The following RPS6KB1 variants were observed in gnomAD, a reference collection of about 807,000 sequenced individuals.
RPS6KB1 encodes the protein ribosomal protein S6 kinase beta-1.
RPS6KB1 carries 12 observed loss-of-function variants against 70.2 expected under a neutral mutation model. That is an observed-to-expected ratio of 0.17 (90% confidence interval 0.11 to 0.28). The LOEUF is 0.28. Among genes scored for constraint, RPS6KB1 ranks in the 10% least tolerant of loss-of-function variants. The pLI is 1.00. For missense variants in RPS6KB1, 270 were observed against 646.6 expected, an observed-to-expected ratio of 0.42 and a Z score of 6.32; for synonymous variants, 175 against 211.2, an observed-to-expected ratio of 0.83 and a Z score of 1.49.
intron 1 of RPS6KB1, among the ~76,000 whole-genome samples, chr17:59,897,979 A>G (rs1568369938): frequency 6.6e-6 from 1 of 151,918 alleles, no homozygotes; most frequent in African/African-American, 2.4e-5. Flanking sequence ...AAAAAAAAAA[A>G]AGATTCTGTT....
chr17:59,947,695 A>G lies in RPS6KB1; in HGVS notation c.*907A>G. ...CATTGCACTGGAAAAAAAAATCGCC[A>G]CCTGTTCTTACACCAGTATTTGGTT... On this transcript the variant is annotated 3_prime_UTR_variant, in exon 15 of 15. Coordinates refer to ENST00000225577, the MANE Select transcript of RPS6KB1 (RefSeq NM_003161.4). 5.5e-6 allele frequency: 4 copies of G among 733,292 alleles called. No individual in the cohort carries two copies. Among genetic ancestry groups the G allele is most frequent in the Non-Finnish European group, 9.8e-6 (4 of 410,184 alleles). 45.4% of individuals were successfully genotyped at this position (733,292 alleles called of 1,614,324 possible).
chr17:59,903,236 C>G (rs1336201245), intron 1 of RPS6KB1, among the ~76,000 whole-genome samples: 2 of 150,820 alleles, frequency 1.3e-5, no homozygotes, highest in African/African-American at 2.4e-5. Context: ...ACCTGGGAGG[C>G]AGAGGTTGCA....
intron 1 of RPS6KB1, among the ~76,000 whole-genome samples, chr17:59,901,052 T>G (rs936821913): frequency 6.6e-6 from 1 of 151,686 alleles, no homozygotes; most frequent in East Asian, 2.0e-4. Context: ...TCCCAGCTAC[T>G]TGGGAGACTG....
In RPS6KB1 at chr17:59,947,499, TG is replaced by T; in HGVS notation, c.*715del. ...CTCGTTTGAGGGATTGGGGTGGACC[TG>T]GGGTTTATTTTCAGTAACCCAGCTG... On this transcript the variant is annotated 3_prime_UTR_variant, in exon 15 of 15. Coordinates refer to ENST00000225577, the MANE Select transcript of RPS6KB1 (RefSeq NM_003161.4). 1 of 1,509,590 alleles carries T rather than the reference TG, an allele frequency of 6.6e-7. No homozygotes were observed. The highest frequency in any genetic ancestry group is 8.9e-7 in the Non-Finnish European group (1 of 1,123,736). The allele number at this position is 1,509,590 out of a possible 1,614,324, so 93.5% of individuals were successfully genotyped here.
In RPS6KB1 at chr17:59,934,117, A is replaced by G; in HGVS notation, c.689-53A>G. 8.8e-7 allele frequency: 1 copy of G among 1,135,998 alleles called. No homozygotes were observed. The allele number at this position is 1,135,998 out of a possible 1,614,324, so 70.4% of individuals were successfully genotyped here. ...AAAGTATTATGTGACATGTTCAAAC[A>G]CTGCACATACTTATAATTCGGAGAA... On this transcript the variant is annotated intron_variant, in intron 7 of 14. Transcript: ENST00000225577. This position sits in a 1 kb window ranked among gnomAD's most constrained non-coding sequence, Gnocchi z 4.8.
chr17:59,910,186 CAAAA>C (rs1304202334), intron 1 of RPS6KB1, among the ~76,000 whole-genome samples: 1 of 120,448 alleles, frequency 8.3e-6, no homozygotes, highest in Non-Finnish European at 1.7e-5. Flanking sequence ...GACTCCATCT[CAAAA>C]AAGAAAAAAA....
Position 59,934,011 on chromosome 17 carries a change from A to G in RPS6KB1, c.689-159A>G. On this transcript the variant is annotated intron_variant, in intron 7 of 14. Transcript: ENST00000225577. This position sits in a 1 kb window ranked among gnomAD's most constrained non-coding sequence, Gnocchi z 4.8. Reference sequence around the variant, plus strand: ...TTTGCCCTAGCCTTAAACAGTTAGCATCCCATTTTATGGATGGTACCTTGT... The same window carrying G: ...TTTGCCCTAGCCTTAAACAGTTAGCGTCCCATTTTATGGATGGTACCTTGT... The G allele has an allele frequency of 1.6e-6, 1 of 617,672 alleles. No individual in the cohort carries two copies. The allele number at this position is 617,672 out of a possible 1,614,324, so 38.3% of individuals were successfully genotyped here. A position where few individuals can be genotyped will look rare whatever the true frequency, so the allele number is the denominator to read the frequency against.
chr17:59,898,547 G>A (rs1360241560), intron 1 of RPS6KB1, among the ~76,000 whole-genome samples: 1 of 151,816 alleles, frequency 6.6e-6, no homozygotes, highest in Non-Finnish European at 1.5e-5. Flanking sequence ...TCTGCCTCCT[G>A]GGTTCAAGCT....
chr17:59,908,639 G>A (rs1425544076), intron 1 of RPS6KB1, among the ~76,000 whole-genome samples: 4 of 94,638 alleles, frequency 4.2e-5, no homozygotes, highest in African/African-American at 1.9e-4. Flanking sequence ...TTTTTTTTGA[G>A]ACGGAGTCTC....
intron 4 of RPS6KB1, among the ~76,000 whole-genome samples, chr17:59,915,678 C>T (rs1456544511): frequency 6.8e-6 from 1 of 147,144 alleles, no homozygotes; most frequent in Non-Finnish European, 1.5e-5. Flanking sequence ...ATTGGCCAGG[C>T]TGGTCTCGAA....
In RPS6KB1 at chr17:59,948,513, T is replaced by A. The variant is rs1393951854; in HGVS notation, c.*1725T>A. The A allele has an allele frequency of 6.6e-6, 1 of 152,662 alleles. No individual in the cohort carries two copies. Among genetic ancestry groups the A allele is most frequent in the African/African-American group, 2.4e-5 (1 of 41,458 alleles). 9.5% of individuals were successfully genotyped at this position (152,662 alleles called of 1,614,324 possible). A position where few individuals can be genotyped will look rare whatever the true frequency, so the allele number is the denominator to read the frequency against. On this transcript the variant is annotated 3_prime_UTR_variant, in exon 15 of 15. Transcript: ENST00000225577. ...GTCAGAAAAGAGCAAGGCTTTGCTT[T>A]TTGAAATTGCAACTCAAATGAGATG...
intron 1 of RPS6KB1, among the ~76,000 whole-genome samples, chr17:59,900,207 C>CACACACACACACACAG (rs1568377114): frequency 2.0e-5 from 3 of 150,580 alleles, no homozygotes; most frequent in African/African-American, 7.3e-5. Flanking sequence ...CACACACACA[C>CACACACACACACACAG]ACACACACAC....
In RPS6KB1 at chr17:59,934,085, ATAGAT is replaced by A. The variant is rs781615931; in HGVS notation, c.689-82_689-78del. 80 of 896,986 alleles carry A rather than the reference ATAGAT, an allele frequency of 8.9e-5. No individual in the cohort carries two copies. Among genetic ancestry groups the A allele is most frequent in the Middle Eastern group, 4.5e-4 (2 of 4,494 alleles). The allele number at this position is 896,986 out of a possible 1,614,324, so 55.6% of individuals were successfully genotyped here. ...GAGGCAAGAAAAGTTAAATGGAAGG[ATAGAT>A]TAAAGTATTATGTGACATGTTCAAA... On this transcript the variant is annotated intron_variant, in intron 7 of 14. Coordinates refer to ENST00000225577, the MANE Select transcript of RPS6KB1 (RefSeq NM_003161.4). This position sits in a 1 kb window ranked among gnomAD's most constrained non-coding sequence, Gnocchi z 4.8.
chr17:59,919,750 G>A (rs1412259341), intron 4 of RPS6KB1, among the ~76,000 whole-genome samples: 1 of 151,714 alleles, frequency 6.6e-6, no homozygotes, highest in Non-Finnish European at 1.5e-5. Context: ...TGGTCTGTCT[G>A]TTCCTTACAC....
At chr17:59,935,074 A>G in intron 9 of RPS6KB1, 119 bp from the exon 10 acceptor site, 1 of 618,892 alleles carries the variant, frequency 1.6e-6, no homozygotes. Flanking sequence ...CACAGCATAC[A>G]TTTCTGATCT....
intron 14 of RPS6KB1, among the ~76,000 whole-genome samples, chr17:59,945,731 A>G (rs2044885819): frequency 6.6e-6 from 1 of 152,218 alleles, no homozygotes; most frequent in South Asian, 2.1e-4. Flanking sequence ...GTAAGCAGCC[A>G]TACTGGCAAA....
Position 59,893,885 on chromosome 17 carries a change from G to C in RPS6KB1, c.141+560G>C. The C allele has an allele frequency of 1.0e-6, 1 of 985,158 alleles. No individual in the cohort carries two copies. Among genetic ancestry groups the C allele is most frequent in the Non-Finnish European group, 1.2e-6 (1 of 829,958 alleles). The allele number at this position is 985,158 out of a possible 1,614,324, so 61.0% of individuals were successfully genotyped here. ...TTACAGCCACCAGGAGTTTTATTTC[G>C]GGAGCAAGGGGGCTCTGCTGCATCT... On this transcript the variant is annotated intron_variant, in intron 1 of 14. Transcript: ENST00000225577. The surrounding 1 kb of genome is among the most constrained non-coding windows in gnomAD (Gnocchi z 4.1).
rs1420259854 is a variant in RPS6KB1 at position 59,893,352 on chromosome 17, G to T, written c.141+27G>T. The T allele has an allele frequency of 6.3e-7, 1 of 1,580,184 alleles. No homozygotes were observed. The highest frequency in any genetic ancestry group is 2.3e-5 in the East Asian group (1 of 43,104). On this transcript the variant is annotated intron_variant, in intron 1 of 14. Coordinates refer to ENST00000225577, the MANE Select transcript of RPS6KB1 (RefSeq NM_003161.4). This position sits in a 1 kb window ranked among gnomAD's most constrained non-coding sequence, Gnocchi z 4.1. ...TGAGGCCCGGGGTCCCCGGGGGCCC[G>T]AGGTGACAGGGCCGGGGCGGCGGCG... is the stretch of plus-strand genomic sequence containing the variant.
Position 59,927,670 on chromosome 17 carries a change from C to G in RPS6KB1, c.529+1088C>G, listed in dbSNP as rs1371044035. 4.6e-5 allele frequency among the ~76,000 whole-genome samples: 7 copies of G among 151,076 alleles called. 1 individual carries two copies. The highest frequency in any genetic ancestry group is 4.6e-4 in the Admixed American group (7 of 15,120). Reference sequence around the variant, plus strand: ...TACAGGCATGCGCCACCACACTTGGCTTTTTTTTGTATTTTTAGTAGAGCT... The same window carrying G: ...TACAGGCATGCGCCACCACACTTGGGTTTTTTTTGTATTTTTAGTAGAGCT... On this transcript the variant is annotated intron_variant, in intron 5 of 14. Transcript: ENST00000225577.
Sources: gnomAD v4.1 joint callset for allele counts (sites outside exome capture counted in the v4.1 genomes callset) on GRCh38, gnomAD v4.1.1 for gene constraint, Gnocchi (gnomAD v3.1) non-coding constraint, MANE v1.5 for transcripts, NCBI Gene and HGNC (gene_info 2026-07-23, HGNC 2026-07-21) for gene names.